The following TNFRSF10B variants were observed in gnomAD, a reference collection of about 807,000 sequenced individuals.
The protein encoded by TNFRSF10B is TNF receptor superfamily member 10b, also known as tumor necrosis factor receptor superfamily member 10B.
In TNFRSF10B, 35 loss-of-function variants were observed where a neutral mutation model predicts 41.4. The observed-to-expected ratio is 0.85, with a 90% CI of 0.65 to 1.12. The LOEUF is 1.12. Among genes scored for constraint, TNFRSF10B ranks in the 50% most tolerant of loss-of-function variants. TNFRSF10B has a pLI of 0.00. For synonymous variants in TNFRSF10B, 230 were observed against 215.5 expected, an observed-to-expected ratio of 1.07 and a Z score of -0.59; for missense variants, 584 against 552.7, an observed-to-expected ratio of 1.06 and a Z score of -0.57.
chr8:23,031,034 A>C (rs531787422), intron 2 of TNFRSF10B, among the ~76,000 whole-genome samples, 162 bp from the exon 3 acceptor site: 1 of 152,318 alleles, frequency 6.6e-6, no homozygotes, highest in East Asian at 1.9e-4. Context: ...TACACACCTT[A>C]AACCAGCACT....
intron 1 of TNFRSF10B, among the ~76,000 whole-genome samples, chr8:23,051,547 C>CT (rs57467929): frequency 0.017 from 2,344 of 141,252 alleles, 44 homozygotes; most frequent in African/African-American, 0.054. Context: ...GTAAAATACT[C>CT]TTTTTTTTTT....
intron 2 of TNFRSF10B, among the ~76,000 whole-genome samples, chr8:23,040,618 AAC>A (rs2128814999): frequency 6.9e-6 from 1 of 144,894 alleles, no homozygotes; most frequent in African/African-American, 2.9e-5. Context: ...ACATAAAGAA[AAC>A]AAATAACTGA....
chr8:23,028,184 G>T, intron 5 of TNFRSF10B, 147 bp downstream of exon 5: 1 of 1,077,268 alleles, frequency 9.3e-7, no homozygotes, highest in Non-Finnish European at 1.4e-6. Flanking sequence ...CGGGATGTGG[G>T]GATGGGGGTG....
chr8:23,054,385 C>T (rs903961440), intron 1 of TNFRSF10B, among the ~76,000 whole-genome samples: 2 of 152,168 alleles, frequency 1.3e-5, no homozygotes, highest in African/African-American at 4.8e-5. Context: ...CATTTAAGTA[C>T]AGTATACTCC....
Position 23,068,741 on chromosome 8 carries a change from G to T in TNFRSF10B, c.144+10C>A. 1 of 1,570,222 alleles carries T rather than the reference G, an allele frequency of 6.4e-7. No homozygotes were observed. The highest frequency in any genetic ancestry group is 1.1e-5 in the South Asian group (1 of 87,318). ...CTCTTCCCCAGCCAGGGACCGCGGC[G>T]GGGACTCACCAACAGCAGGACCGCG... On this transcript the variant is annotated intron_variant, in intron 1 of 8. Coordinates refer to ENST00000276431, the MANE Select transcript of TNFRSF10B (RefSeq NM_003842.5).
intron 1 of TNFRSF10B, among the ~76,000 whole-genome samples, chr8:23,063,703 G>A (rs1812900889): frequency 6.6e-6 from 1 of 152,020 alleles, no homozygotes; most frequent in Non-Finnish European, 1.5e-5. Context: ...TAACCACTAG[G>A]ACCCATCCCG....
chr8:23,023,446 G>C (rs181019798), intron 8 of TNFRSF10B, among the ~76,000 whole-genome samples: 1 of 152,058 alleles, frequency 6.6e-6, no homozygotes. Flanking sequence ...CACCCAGCTC[G>C]GCCTCACTTC....
At chr8:23,027,677 G>A in intron 6 of TNFRSF10B, 45 bp downstream of exon 6, 1 of 1,613,666 alleles carries the variant, frequency 6.2e-7, no homozygotes, top group Non-Finnish European at 8.5e-7. Flanking sequence ...CCAGGAAGCA[G>A]TTCCTGAACC....
chr8:23,036,077 C>CAG (rs201690787), intron 2 of TNFRSF10B, among the ~76,000 whole-genome samples: 60,233 of 151,726 alleles, frequency 0.4, 13,696 homozygotes, highest in Non-Finnish European at 0.5. Flanking sequence ...AAAGACTTGC[C>CAG]ATCCTCTGCA....
chr8:23,065,672 T>A (rs1263502557), intron 1 of TNFRSF10B, among the ~76,000 whole-genome samples: 4 of 152,190 alleles, frequency 2.6e-5, no homozygotes, highest in African/African-American at 9.7e-5. Context: ...TATAGTTATA[T>A]GTAGATAAAA....
At chr8:23,026,957 T>C (rs1811720958) in intron 7 of TNFRSF10B, among the ~76,000 whole-genome samples, 176 bp downstream of exon 7, 1 of 152,176 alleles carries the variant, frequency 6.6e-6, no homozygotes, top group South Asian at 2.1e-4. Context: ...GCAGATGTCC[T>C]GCAGACTGGC....
chr8:23,068,647 C>A, intron 1 of TNFRSF10B, 104 bp downstream of exon 1: 1 of 1,476,624 alleles, frequency 6.8e-7, no homozygotes, highest in Non-Finnish European at 9.0e-7. Flanking sequence ...TGCCCGGCCG[C>A]AGGCGACCCG....
In TNFRSF10B at chr8:23,020,568, T is replaced by A. The variant is rs746754052; in HGVS notation, c.*2103A>T. Reference sequence around the variant, plus strand: ...TTAGCCAGGCGTGGTGGCGGGTGCCTGCAATCCCAGCTACTCCGGAGGCTG... The same window carrying A: ...TTAGCCAGGCGTGGTGGCGGGTGCCAGCAATCCCAGCTACTCCGGAGGCTG... On this transcript the variant is annotated 3_prime_UTR_variant, in exon 9 of 9. Transcript: ENST00000276431. 3.3e-4 allele frequency: 149 copies of A among 446,602 alleles called. No homozygotes were observed. The highest frequency in any genetic ancestry group is 1.0e-4 in the Non-Finnish European group (23 of 222,064). 27.7% of individuals were successfully genotyped at this position (446,602 alleles called of 1,614,324 possible). A position where few individuals can be genotyped will look rare whatever the true frequency, so the allele number is the denominator to read the frequency against.
intron 6 of TNFRSF10B, 80 bp from the exon 7 acceptor site, chr8:23,027,368 G>T: frequency 6.4e-7 from 1 of 1,557,102 alleles, no homozygotes; most frequent in Non-Finnish European, 8.8e-7. Flanking sequence ...TCAGTATGCA[G>T]CTGCACCTGA....
chr8:23,045,307 T>C (rs1218702240), intron 1 of TNFRSF10B, among the ~76,000 whole-genome samples: 3 of 151,748 alleles, frequency 2.0e-5, no homozygotes, highest in Non-Finnish European at 1.5e-5. Context: ...TTATGAACAA[T>C]TATATGCCAA....
In TNFRSF10B at chr8:23,043,124, C is replaced by T. The variant is rs1207660100; in HGVS notation, c.250+14G>A. On this transcript the variant is annotated intron_variant, in intron 2 of 8. Coordinates refer to ENST00000276431, the MANE Select transcript of TNFRSF10B (RefSeq NM_003842.5). Reference sequence around the variant, plus strand: ...GGAGGAGGGGCAAGGATTAGAGACCCATCTTGAACATACCAGGTGGACACA... The same window carrying T: ...GGAGGAGGGGCAAGGATTAGAGACCTATCTTGAACATACCAGGTGGACACA... 1 of 1,611,896 alleles carries T rather than the reference C, an allele frequency of 6.2e-7. No homozygotes were observed. Among genetic ancestry groups the T allele is most frequent in the African/African-American group, 1.3e-5 (1 of 75,000 alleles).
intron 2 of TNFRSF10B, among the ~76,000 whole-genome samples, chr8:23,033,458 G>A (rs2128812963): frequency 6.6e-6 from 1 of 151,670 alleles, no homozygotes; most frequent in Non-Finnish European, 1.5e-5. Flanking sequence ...GAGGTGGCGG[G>A]CGCCTGTAGT....
At chr8:23,027,102 C>T (rs1056589150) in intron 7 of TNFRSF10B, 31 bp downstream of exon 7, 4 of 1,613,214 alleles carry the variant, frequency 2.5e-6, no homozygotes, top group Admixed American at 3.3e-5. Context: ...AGCAGCATGC[C>T]AGGAAACAAA....
rs543380909 is a variant in TNFRSF10B, at chr8:23,020,647, G to A, written c.*2024C>T. The A allele has an allele frequency of 3.5e-5, 16 of 453,974 alleles. No homozygotes were observed. Among genetic ancestry groups the A allele is most frequent in the Non-Finnish European group, 6.6e-5 (15 of 226,774 alleles). The allele number at this position is 453,974 out of a possible 1,614,324, so 28.1% of individuals were successfully genotyped here. ...GCGGAGGTTGCACTGAGCCAAGATC[G>A]TACCGTTGCACTCCAGCCTGGGCGA... On this transcript the variant is annotated 3_prime_UTR_variant, in exon 9 of 9. Transcript: ENST00000276431.
Sources: gnomAD v4.1 joint callset for allele counts (sites outside exome capture counted in the v4.1 genomes callset) on GRCh38, gnomAD v4.1.1 for gene constraint, MANE v1.5 for transcripts, NCBI Gene and HGNC (gene_info 2026-07-23, HGNC 2026-07-21) for gene names.